Variants in FAF1 observed in about 807,000 individuals in gnomAD.
FAF1 encodes the protein Fas associated factor 1.
In FAF1, 25 loss-of-function variants were observed where a neutral mutation model predicts 92.5. That is an observed-to-expected ratio of 0.27 (90% CI 0.20 to 0.38). FAF1 has a LOEUF of 0.38. FAF1 is among the 10% of genes least tolerant of loss of function. The pLI is 1.00. For synonymous variants in FAF1, 234 were observed against 273.2 expected (o/e 0.86, Z 1.42); for missense variants, 636 against 793.3 (o/e 0.80, Z 2.38).
chr1:50,553,761 T>G (rs969657674), intron 13 of FAF1, among the ~76,000 whole-genome samples: 1 of 152,104 alleles, frequency 6.6e-6, no homozygotes, highest in Non-Finnish European at 1.5e-5. Context: ...TAGAGTTACA[T>G]TGATAAAAGG....
rs913566138 is a variant in FAF1 at position 50,804,551 on chromosome 1, A to C, written c.115-2874T>G. ...GAAAATCTGAAAATACACTAAAATT[A>C]TGAGGCCTAAGGTTATTAGACATAG... On this transcript the variant is annotated intron_variant, in intron 2 of 18. Coordinates refer to ENST00000396153, the MANE Select transcript of FAF1 (RefSeq NM_007051.3). 4.6e-5 allele frequency among the ~76,000 whole-genome samples: 7 copies of C among 152,288 alleles called. No individual in the cohort carries two copies. In the East Asian group the frequency reaches 1.3e-3, roughly 29 times the overall value.
intron 18 of FAF1, among the ~76,000 whole-genome samples, chr1:50,464,126 C>A (rs1394489868): frequency 6.6e-6 from 1 of 152,102 alleles, no homozygotes; most frequent in Non-Finnish European, 1.5e-5. Flanking sequence ...GTACCATGTG[C>A]CATGTCTGTG....
intron 4 of FAF1, among the ~76,000 whole-genome samples, chr1:50,748,708 T>C (rs1388910562): frequency 6.6e-6 from 1 of 152,254 alleles, no homozygotes; most frequent in African/African-American, 2.4e-5. Context: ...ATCTTTCATA[T>C]ATCTGCTTAT....
intron 1 of FAF1, among the ~76,000 whole-genome samples, chr1:50,862,561 G>A (rs569114134): frequency 1.3e-5 from 2 of 151,848 alleles, no homozygotes; most frequent in African/African-American, 2.4e-5. Flanking sequence ...AACATCAAAC[G>A]TAAATGGCCT....
intron 4 of FAF1, among the ~76,000 whole-genome samples, chr1:50,771,411 A>ATTCC (rs1401805628): frequency 2.0e-5 from 3 of 152,142 alleles, no homozygotes; most frequent in Admixed American, 2.0e-4. Context: ...TAAGAAACTT[A>ATTCC]AATTAATGAG....
intron 6 of FAF1, among the ~76,000 whole-genome samples, chr1:50,706,942 G>A (rs1657697774): frequency 6.6e-6 from 1 of 152,164 alleles, no homozygotes; most frequent in Non-Finnish European, 1.5e-5. Flanking sequence ...GGTGGCTCAC[G>A]CCTGTAATCC....
intron 2 of FAF1, among the ~76,000 whole-genome samples, chr1:50,816,026 T>TA (rs748906242): frequency 0.058 from 7,726 of 132,716 alleles, 581 homozygotes; most frequent in African/African-American, 0.17. Flanking sequence ...GATTCCGTCT[T>TA]AAAAAAAAAA....
At chr1:50,866,872 T>C (rs1644485830) in intron 1 of FAF1, among the ~76,000 whole-genome samples, 2 of 151,886 alleles carry the variant, frequency 1.3e-5, no homozygotes, top group Admixed American at 1.3e-4. Flanking sequence ...AAAGTGACCA[T>C]ATAGCCAAAA....
chr1:50,749,245 G>C (rs1378704377), intron 4 of FAF1, among the ~76,000 whole-genome samples: 1 of 152,142 alleles, frequency 6.6e-6, no homozygotes, highest in Non-Finnish European at 1.5e-5. Context: ...TTGCAAGTCT[G>C]TCCAGTGCTC....
chr1:50,690,089 G>A (rs1475183772), intron 7 of FAF1, among the ~76,000 whole-genome samples: 5 of 146,038 alleles, frequency 3.4e-5, no homozygotes, highest in East Asian at 2.1e-4. Flanking sequence ...TCCGCCTCCC[G>A]GGTTCAAGCA....
In FAF1 at chr1:50,916,958, G is replaced by A. The variant is rs548059719; in HGVS notation, c.45+42809C>T. On this transcript the variant is annotated intron_variant, in intron 1 of 18. Coordinates refer to ENST00000396153, the MANE Select transcript of FAF1 (RefSeq NM_007051.3). ...TAATTTTTAATTAGCCAAGTCCTAGGTAACTGGCAATGAGAGAAAGTTTCT... is the reference window on the plus strand; with the variant it reads ...TAATTTTTAATTAGCCAAGTCCTAGATAACTGGCAATGAGAGAAAGTTTCT... Among the ~76,000 whole-genome samples the A allele has an allele frequency of 6.2e-4, 94 of 152,252 alleles. 1 individual carries two copies. In the South Asian group the frequency reaches 0.017, roughly 28 times the overall value.
At chr1:50,627,433 C>G (rs542197089) in intron 8 of FAF1, among the ~76,000 whole-genome samples, 1 of 152,054 alleles carries the variant, frequency 6.6e-6, no homozygotes, top group Non-Finnish European at 1.5e-5. Context: ...TATCTAAATG[C>G]CTGCCTCATC....
intron 8 of FAF1, among the ~76,000 whole-genome samples, chr1:50,623,293 C>T (rs976387995): frequency 2.0e-5 from 3 of 151,966 alleles, no homozygotes; most frequent in African/African-American, 4.8e-5. Flanking sequence ...TTAGGACAGG[C>T]GTGGTGGCTC....
chr1:50,780,859 T>A, intron 4 of FAF1: 3 of 464,986 alleles, frequency 6.5e-6, no homozygotes, highest in South Asian at 5.0e-5. Context: ...CATCTTACCT[T>A]CAGGAGGAGT....
intron 18 of FAF1, among the ~76,000 whole-genome samples, chr1:50,454,582 C>T (rs191758668): frequency 3.3e-5 from 5 of 152,278 alleles, no homozygotes; most frequent in African/African-American, 7.2e-5. Flanking sequence ...CCATGTTTAC[C>T]GGACTAATAC....
chr1:50,653,865 AAG>A (rs1654985970), intron 8 of FAF1, among the ~76,000 whole-genome samples: 1 of 152,112 alleles, frequency 6.6e-6, no homozygotes, highest in Non-Finnish European at 1.5e-5. Flanking sequence ...GCAAGATTCC[AAG>A]TCAAAAATAA....
chr1:50,620,954 G>T (rs533267325), intron 8 of FAF1, among the ~76,000 whole-genome samples: 2 of 152,246 alleles, frequency 1.3e-5, no homozygotes, highest in African/African-American at 4.8e-5. Flanking sequence ...GGTGTTCCGG[G>T]CCATGGGGCC....
intron 6 of FAF1, chr1:50,715,051 G>C (rs1296834756): frequency 4.8e-6 from 2 of 413,464 alleles, no homozygotes; most frequent in South Asian, 3.6e-5. Context: ...TTATCAACAA[G>C]GACACAATTT....
chr1:50,705,749 A>G, intron 7 of FAF1, 37 bp downstream of exon 7: 1 of 1,162,422 alleles, frequency 8.6e-7, no homozygotes, highest in Non-Finnish European at 1.3e-6. Flanking sequence ...AGCTATAATG[A>G]GCTACCTTTA....
Sources: gnomAD v4.1 joint callset for allele counts (sites outside exome capture counted in the v4.1 genomes callset) on GRCh38, gnomAD v4.1.1 for gene constraint, MANE v1.5 for transcripts, NCBI Gene and HGNC (gene_info 2026-07-23, HGNC 2026-07-21) for gene names.